Variants in PDS5B observed in about 807,000 individuals in gnomAD.
The protein encoded by PDS5B is PDS5 cohesin associated factor B.
Under a neutral mutation model 184.1 loss-of-function variants are expected in PDS5B, and 51 were observed. The observed-to-expected ratio is 0.28, with a 90% CI of 0.22 to 0.35. The LOEUF (loss-of-function observed/expected upper bound fraction) is 0.35, where lower values mean the gene tolerates loss of function less well. Among genes scored for constraint, PDS5B ranks in the 10% least tolerant of loss-of-function variants. The pLI, the probability that PDS5B is intolerant of heterozygous loss-of-function variation, is 1.00. For missense variants in PDS5B, 1,180 were observed against 1,723.3 expected (o/e 0.68, Z 5.58); for synonymous variants, 566 against 569.2 (o/e 0.99, Z 0.08).
At position 32,716,649 on chromosome 13, in the gene PDS5B, C is replaced by G. The variant is rs375598900; in HGVS notation, c.2123+6543C>G. ...CAGCCCCCCGCCCGGCCAGCCGCCC[C>G]GTTTGGGAGGGAGGTGGGGGGGGTC... On this transcript the variant is annotated intron_variant, in intron 19 of 34. Transcript: ENST00000315596. Among the ~76,000 whole-genome samples the G allele has an allele frequency of 2.5e-5, 3 of 121,676 alleles. 1 individual carries two copies. The highest frequency in any genetic ancestry group is 6.0e-5 in the African/African-American group (2 of 33,386). 79.8% of individuals were successfully genotyped at this position (121,676 alleles called of 152,430 possible).
chr13:32,624,976 C>T (rs1444081414), intron 1 of PDS5B, among the ~76,000 whole-genome samples: 1 of 152,000 alleles, frequency 6.6e-6, no homozygotes, highest in Non-Finnish European at 1.5e-5. Context: ...GTAGATTTTC[C>T]TTACTTTTTT....
At chr13:32,680,564 C>T (rs1332089798) in intron 10 of PDS5B, among the ~76,000 whole-genome samples, 1 of 152,184 alleles carries the variant, frequency 6.6e-6, no homozygotes, top group Non-Finnish European at 1.5e-5. Context: ...ATGCCCTCAA[C>T]CGTTTGGGGT....
intron 19 of PDS5B, 48 bp from the exon 20 acceptor site, chr13:32,732,053 T>C (rs767265044): frequency 4.7e-6 from 7 of 1,496,622 alleles, no homozygotes; most frequent in Non-Finnish European, 6.4e-6. Flanking sequence ...AGCAGAAGTC[T>C]TGTTGATTTT....
intron 1 of PDS5B, among the ~76,000 whole-genome samples, chr13:32,642,212 G>C (rs1345640658): frequency 6.6e-6 from 1 of 152,062 alleles, no homozygotes; most frequent in African/African-American, 2.4e-5. Flanking sequence ...ACTTTTTGCT[G>C]TAACCATAAT....
chr13:32,748,988 T>C (rs1194872407), intron 24 of PDS5B, among the ~76,000 whole-genome samples: 1 of 152,170 alleles, frequency 6.6e-6, no homozygotes, highest in Non-Finnish European at 1.5e-5. Context: ...TTATTGTTGG[T>C]AAATTTCCCT....
At chr13:32,620,288 G>A (rs911658387) in intron 1 of PDS5B, among the ~76,000 whole-genome samples, 2 of 152,092 alleles carry the variant, frequency 1.3e-5, no homozygotes, top group Admixed American at 6.6e-5. Context: ...ATGAGACTGT[G>A]GTTTCTTTCC....
chr13:32,684,787 G>C (rs1951339280), intron 11 of PDS5B, among the ~76,000 whole-genome samples: 1 of 152,144 alleles, frequency 6.6e-6, no homozygotes. Context: ...CTGCCTATTG[G>C]TTGTTGGAAT....
rs1351838030 is a variant in PDS5B, at chr13:32,773,263, G to C, written c.4247G>C (p.Ser1416Thr). ...GAAGAAGTAGATGTGTTTCAGGGTAGCTCTCCTGTCGATGATATTCCACAG... is the reference window on the plus strand; with the variant it reads ...GAAGAAGTAGATGTGTTTCAGGGTACCTCTCCTGTCGATGATATTCCACAG... The part of the protein sequence containing the change: ...SSEEVDVFQG[S>T]SPVDDIPQEE... Residue 1416 changes from serine (S) to threonine (T), a missense_variant, in exon 34 of 35, where the codon AGC (serine) becomes ACC (threonine). Ser to Thr is a moderately conservative substitution (Grantham distance 58). Transcript: ENST00000315596. 6.2e-7 allele frequency: 1 copy of C among 1,613,200 alleles called. No individual in the cohort carries two copies. The highest frequency in any genetic ancestry group is 1.1e-5 in the South Asian group (1 of 91,002).
At chr13:32,653,968 C>G (rs887673826) in intron 3 of PDS5B, among the ~76,000 whole-genome samples, 6 of 152,008 alleles carry the variant, frequency 3.9e-5, no homozygotes, top group Non-Finnish European at 8.8e-5. Context: ...AGAAATTCTC[C>G]CTAAAGAATA....
At chr13:32,672,035 T>G (rs1420682686) in intron 7 of PDS5B, among the ~76,000 whole-genome samples, 2 of 152,220 alleles carry the variant, frequency 1.3e-5, no homozygotes, top group Non-Finnish European at 2.9e-5. Context: ...TAGTTAGAGC[T>G]AGCTATATGG....
intron 1 of PDS5B, among the ~76,000 whole-genome samples, chr13:32,608,917 G>A (rs1279789654): frequency 6.6e-6 from 1 of 152,180 alleles, no homozygotes; most frequent in Non-Finnish European, 1.5e-5. Flanking sequence ...GAACACAAAT[G>A]TGGCTACTGC....
intron 1 of PDS5B, among the ~76,000 whole-genome samples, chr13:32,620,587 G>T (rs2058285129): frequency 6.6e-6 from 1 of 151,546 alleles, no homozygotes; most frequent in South Asian, 2.1e-4. Flanking sequence ...AACCCAGGAG[G>T]CAGAGCTTAC....
At chr13:32,650,107 T>C (rs1033949218) in intron 2 of PDS5B, 2 of 152,202 alleles carry the variant, frequency 1.3e-5, no homozygotes, top group African/African-American at 4.8e-5. Context: ...TTTTCTCAGA[T>C]TTCTTTCCTA....
chr13:32,682,812 T>C (rs1486868477), intron 10 of PDS5B, among the ~76,000 whole-genome samples: 3 of 152,218 alleles, frequency 2.0e-5, no homozygotes, highest in East Asian at 1.9e-4. Flanking sequence ...ACCATTCTTA[T>C]AGGTTCTTCA....
At chr13:32,734,999 T>C (rs1953275350) in intron 20 of PDS5B, among the ~76,000 whole-genome samples, 173 bp from the exon 21 acceptor site, 1 of 152,218 alleles carries the variant, frequency 6.6e-6, no homozygotes, top group East Asian at 1.9e-4. Flanking sequence ...AGTCTAAATG[T>C]AATCTTGAGT....
intron 3 of PDS5B, among the ~76,000 whole-genome samples, chr13:32,653,096 C>G (rs1593342861): frequency 6.6e-6 from 1 of 152,080 alleles, no homozygotes; most frequent in Non-Finnish European, 1.5e-5. Context: ...GAGTTCGAAA[C>G]CAGCCTGGCC....
At chr13:32,671,032 A>G (rs1040196400) in intron 7 of PDS5B, among the ~76,000 whole-genome samples, 4 of 152,248 alleles carry the variant, frequency 2.6e-5, no homozygotes, top group Non-Finnish European at 5.9e-5. Flanking sequence ...TTTTGGAAGG[A>G]AATATTTTAA....
chr13:32,626,610 GTTT>G (rs58328470), intron 1 of PDS5B, among the ~76,000 whole-genome samples: 1 of 148,244 alleles, frequency 6.7e-6, no homozygotes, highest in South Asian at 2.1e-4. Context: ...CAGTCTTGCT[GTTT>G]TTTTTTTATT....
chr13:32,745,708 G>A (rs1266119628), intron 23 of PDS5B, among the ~76,000 whole-genome samples: 1 of 152,064 alleles, frequency 6.6e-6, no homozygotes, highest in Non-Finnish European at 1.5e-5. Context: ...CGGTAAACAA[G>A]CCCTCTCAGG....
Sources: allele counts gnomAD v4.1 joint callset (sites outside exome capture counted in the v4.1 genomes callset), GRCh38; gene constraint gnomAD v4.1.1; transcripts MANE v1.5; gene names NCBI Gene and HGNC (gene_info 2026-07-23, HGNC 2026-07-21).